Variants in OPRK1 observed in about 807,000 individuals in gnomAD.
OPRK1 encodes the protein kappa-type opioid receptor.
A neutral mutation model predicts 24.5 loss-of-function variants in OPRK1; 15 were observed. The observed-to-expected ratio is 0.61, with a 90% CI of 0.41 to 0.94. The LOEUF is 0.94. OPRK1 is among the 40% of genes least tolerant of loss of function. The pLI, the probability that OPRK1 is intolerant of heterozygous loss-of-function variation, is 0.00. For missense variants in OPRK1, 479 were observed against 507.3 expected (o/e 0.94, Z 0.54); for synonymous variants, 205 against 198.0 (o/e 1.04, Z -0.30).
In OPRK1 at chr8:53,229,178, T is replaced by G; in HGVS notation, c.*119A>C. ...TGATGACTTCAGACCATGAGATCTCTAAAAGTTTATTTTAAATTCTATCTT... is the reference window on the plus strand; with the variant it reads ...TGATGACTTCAGACCATGAGATCTCGAAAAGTTTATTTTAAATTCTATCTT... On this transcript the variant is annotated 3_prime_UTR_variant, in exon 4 of 4. Transcript: ENST00000265572. 7.8e-7 allele frequency: 1 copy of G among 1,275,456 alleles called. No individual in the cohort carries two copies. The highest frequency in any genetic ancestry group is 1.1e-6 in the Non-Finnish European group (1 of 936,348). The allele number at this position is 1,275,456 out of a possible 1,614,324, so 79.0% of individuals were successfully genotyped here. A position where few individuals can be genotyped will look rare whatever the true frequency, so the allele number is the denominator to read the frequency against.
At chr8:53,246,904 C>T (rs904895364) in intron 2 of OPRK1, among the ~76,000 whole-genome samples, 1 of 152,166 alleles carries the variant, frequency 6.6e-6, no homozygotes, top group South Asian at 2.1e-4. Flanking sequence ...AAGGAATTGG[C>T]TCTTTCTGGA....
intron 3 of OPRK1, among the ~76,000 whole-genome samples, chr8:53,232,893 C>A (rs1202085891): frequency 6.6e-6 from 1 of 152,214 alleles, no homozygotes; most frequent in African/African-American, 2.4e-5. Flanking sequence ...ATAATACACA[C>A]ACATATACTA....
At chr8:53,240,757 T>C (rs1003319875) in intron 2 of OPRK1, among the ~76,000 whole-genome samples, 1 of 152,054 alleles carries the variant, frequency 6.6e-6, no homozygotes, top group African/African-American at 2.4e-5. Context: ...GGGGATCCAA[T>C]TTACAGCAGG....
chr8:53,251,248 C>A, intron 1 of OPRK1, 163 bp from the exon 2 acceptor site: 1 of 764,502 alleles, frequency 1.3e-6, no homozygotes, highest in Non-Finnish European at 1.9e-6. Context: ...GGCCAGCAGG[C>A]GCGCCGCTGG....
intron 2 of OPRK1, among the ~76,000 whole-genome samples, chr8:53,237,210 A>G (rs7016275): frequency 0.084 from 12,761 of 152,240 alleles, 942 homozygotes; most frequent in African/African-American, 0.2. Context: ...ATCCATGGTC[A>G]TATTTACCCA....
intron 2 of OPRK1, among the ~76,000 whole-genome samples, chr8:53,243,201 A>G (rs73589359): frequency 0.13 from 19,485 of 152,188 alleles, 1,497 homozygotes; most frequent in African/African-American, 0.21. Flanking sequence ...ACAATTTGAG[A>G]TTTTTAGCTG....
chr8:53,244,861 T>G (rs1001394468), intron 2 of OPRK1, among the ~76,000 whole-genome samples: 2 of 152,218 alleles, frequency 1.3e-5, no homozygotes, highest in Non-Finnish European at 2.9e-5. Flanking sequence ...AGAATGTGAC[T>G]GTACGGTCCT....
chr8:53,248,899 T>A (rs1302102781), intron 2 of OPRK1, among the ~76,000 whole-genome samples: 1 of 152,226 alleles, frequency 6.6e-6, no homozygotes, highest in Non-Finnish European at 1.5e-5. Flanking sequence ...ATGTGAACTA[T>A]CCAACTTCTT....
chr8:53,233,162 AAAAAC>A (rs1806896904), intron 3 of OPRK1, among the ~76,000 whole-genome samples: 1 of 152,210 alleles, frequency 6.6e-6, no homozygotes, highest in Non-Finnish European at 1.5e-5. Context: ...AGCTTCATTA[AAAAAC>A]AATGAATAAA....
intron 2 of OPRK1, among the ~76,000 whole-genome samples, chr8:53,235,526 G>T (rs1001715345): frequency 2.0e-5 from 3 of 151,976 alleles, no homozygotes; most frequent in Non-Finnish European, 2.9e-5. Context: ...TTTCCTCAGG[G>T]TTATTTTGAG....
At chr8:53,244,489 G>A (rs1807186429) in intron 2 of OPRK1, among the ~76,000 whole-genome samples, 2 of 152,308 alleles carry the variant, frequency 1.3e-5, no homozygotes, top group South Asian at 4.1e-4. Context: ...ATACTGCTGA[G>A]GCTGAACTGT....
chr8:53,227,257 C>CAAAAAAAA lies in OPRK1; in HGVS notation c.*2032_*2039dup, dbSNP rs60954107. The CAAAAAAAA allele has an allele frequency of 2.4e-5, 2 of 82,668 alleles. No individual in the cohort carries two copies. Among genetic ancestry groups the CAAAAAAAA allele is most frequent in the African/African-American group, 3.3e-5 (1 of 30,512 alleles). 5.1% of individuals were successfully genotyped at this position (82,668 alleles called of 1,614,324 possible). A position where few individuals can be genotyped will look rare whatever the true frequency, so the allele number is the denominator to read the frequency against. ...TGGGCAACAGAGCGAGACTCCGTCT[C>CAAAAAAAA]AAAAAAAAAAAAAAAAAAAAAGAAG... On this transcript the variant is annotated 3_prime_UTR_variant, in exon 4 of 4. Transcript: ENST00000265572.
intron 2 of OPRK1, among the ~76,000 whole-genome samples, chr8:53,239,401 T>C (rs1807065999): frequency 6.6e-6 from 1 of 152,168 alleles, no homozygotes; most frequent in African/African-American, 2.4e-5. Context: ...GATCTTGAGA[T>C]TTGAGAAAGA....
intron 2 of OPRK1, among the ~76,000 whole-genome samples, chr8:53,250,110 C>G (rs1807337332): frequency 6.7e-6 from 1 of 148,464 alleles, no homozygotes; most frequent in Non-Finnish European, 1.5e-5. Flanking sequence ...CAAATAAAAC[C>G]TTCAATTTCT....
chr8:53,243,803 C>A (rs1272294955), intron 2 of OPRK1, among the ~76,000 whole-genome samples: 1 of 152,118 alleles, frequency 6.6e-6, no homozygotes, highest in African/African-American at 2.4e-5. Context: ...AAATTAAAGA[C>A]AGTTTCAAGA....
At chr8:53,232,003 C>T (rs1414091647) in intron 3 of OPRK1, among the ~76,000 whole-genome samples, 1 of 152,138 alleles carries the variant, frequency 6.6e-6, no homozygotes, top group Non-Finnish European at 1.5e-5. Flanking sequence ...AAACAAACGT[C>T]CCACTACAGA....
Position 53,229,690 on chromosome 8 carries a change from G to C in OPRK1, c.750C>G (p.Ile250Met), listed in dbSNP as rs202077894. Residue 250 changes from isoleucine to methionine, a missense_variant, in exon 4 of 4, where the codon ATC becomes ATG. By Grantham distance (10) the Ile-to-Met change is conservative. Coordinates refer to ENST00000265572, the MANE Select transcript of OPRK1 (RefSeq NM_000912.5). ...GGAGCCGGACGCTCTTGAGACGCAG[G>C]ATCATCAGGGTGTAGCAGACGATGA... Reference protein sequence around the residue: ...LIIIVCYTLMILRLKSVRLLS... With the variant: ...LIIIVCYTLMMLRLKSVRLLS... 6.2e-7 allele frequency: 1 copy of C among 1,614,122 alleles called. No homozygotes were observed. Among genetic ancestry groups the C allele is most frequent in the Non-Finnish European group, 8.5e-7 (1 of 1,180,008 alleles).
intron 2 of OPRK1, among the ~76,000 whole-genome samples, chr8:53,237,315 T>G (rs1807018030): frequency 1.3e-5 from 2 of 152,376 alleles, no homozygotes; most frequent in South Asian, 4.1e-4. Context: ...CTGTAAAATG[T>G]AATGTGCATC....
chr8:53,229,164 G>A lies in OPRK1; in HGVS notation c.*133C>T. 1 of 1,133,312 alleles carries A rather than the reference G, an allele frequency of 8.8e-7. No homozygotes were observed. The highest frequency in any genetic ancestry group is 1.2e-6 in the Non-Finnish European group (1 of 818,224). The allele number at this position is 1,133,312 out of a possible 1,614,324, so 70.2% of individuals were successfully genotyped here. A position where few individuals can be genotyped will look rare whatever the true frequency, so the allele number is the denominator to read the frequency against. ...ACGTGGTCTGCATCTGATGACTTCA[G>A]ACCATGAGATCTCTAAAAGTTTATT... On this transcript the variant is annotated 3_prime_UTR_variant, in exon 4 of 4. Transcript: ENST00000265572.
Sources: gnomAD v4.1 joint callset for allele counts (sites outside exome capture counted in the v4.1 genomes callset) on GRCh38, gnomAD v4.1.1 for gene constraint, MANE v1.5 for transcripts, NCBI Gene and HGNC (gene_info 2026-07-23, HGNC 2026-07-21) for gene names.